Variants in SCIMP observed in about 807,000 individuals in gnomAD.
SCIMP encodes SLP adaptor and CSK interacting membrane protein.
SCIMP carries 18 observed loss-of-function variants against 22.0 expected under a neutral mutation model. That is an observed-to-expected ratio of 0.82 (90% CI 0.56 to 1.21). The LOEUF (loss-of-function observed/expected upper bound fraction) is 1.21. Among genes scored for constraint, SCIMP ranks in the 50% most tolerant of loss-of-function variants. The pLI, the probability that SCIMP is intolerant of heterozygous loss-of-function variation, is 0.00. For missense variants in SCIMP, 155 were observed against 171.2 expected (o/e 0.91, Z 0.53); for synonymous variants, 53 against 62.2 (o/e 0.85, Z 0.70).
intron 1 of SCIMP, among the ~76,000 whole-genome samples, chr17:5,225,333 C>T (rs1291786981): frequency 1.3e-5 from 2 of 152,066 alleles, no homozygotes; most frequent in African/African-American, 4.8e-5. Flanking sequence ...GGTGTGGTGG[C>T]ACATGCCTGT....
At chr17:5,232,041 G>T (rs2074701382) in intron 1 of SCIMP, among the ~76,000 whole-genome samples, 2 of 148,746 alleles carry the variant, frequency 1.3e-5, no homozygotes, top group South Asian at 4.2e-4. Flanking sequence ...GGGCGACAGA[G>T]CGAGACTCCG....
At chr17:5,227,329 A>G (rs1340449005) in intron 1 of SCIMP, among the ~76,000 whole-genome samples, 3 of 149,886 alleles carry the variant, frequency 2.0e-5, no homozygotes, top group Non-Finnish European at 4.5e-5. Flanking sequence ...ACACACTCTT[A>G]CACTTAGCCA....
intron 1 of SCIMP, among the ~76,000 whole-genome samples, chr17:5,226,208 G>A (rs890099787): frequency 9.9e-5 from 15 of 152,092 alleles, no homozygotes; most frequent in African/African-American, 3.1e-4. Flanking sequence ...GTTGCTTTTC[G>A]TTATAAACTC....
At chr17:5,225,511 A>T (rs1174999754) in intron 1 of SCIMP, among the ~76,000 whole-genome samples, 1 of 152,156 alleles carries the variant, frequency 6.6e-6, no homozygotes, top group Non-Finnish European at 1.5e-5. Flanking sequence ...CTGTAATCTC[A>T]TAACTTTGGG....
At chr17:5,228,345 CA>C (rs11444866) in intron 1 of SCIMP, among the ~76,000 whole-genome samples, 17 of 139,166 alleles carry the variant, frequency 1.2e-4, no homozygotes, top group Admixed American at 1.5e-4. Context: ...AATCTTGTCT[CA>C]AAAAAAAAAA....
intron 3 of SCIMP, 177 bp downstream of exon 3, chr17:5,221,110 T>C (rs999744114): frequency 5.9e-5 from 41 of 694,022 alleles, no homozygotes; most frequent in Admixed American, 8.3e-5. Flanking sequence ...TTGCCCTGCA[T>C]CGACAATGTC....
At chr17:5,223,658 TC>T in intron 1 of SCIMP, 1 of 504,606 alleles carries the variant, frequency 2.0e-6, no homozygotes, top group Admixed American at 3.3e-5. Context: ...CAAGTGATTC[TC>T]CTGCCTCAGC....
chr17:5,229,878 C>T (rs897301425), intron 1 of SCIMP, among the ~76,000 whole-genome samples: 1 of 146,906 alleles, frequency 6.8e-6, no homozygotes, highest in Non-Finnish European at 1.5e-5. Context: ...CTCTCTGCTC[C>T]TCTCCTCTCC....
Position 5,209,286 on chromosome 17 carries a change from G to C in SCIMP, c.*1515C>G, listed in dbSNP as rs1176627. On this transcript the variant is annotated 3_prime_UTR_variant, in exon 5 of 5. Transcript: ENST00000574081. Reference sequence around the variant, plus strand: ...AGTAGCTGGGATTACAGGCATGCGCGACCATGCCTGACTAATTTTGTATTT... The same window carrying C: ...AGTAGCTGGGATTACAGGCATGCGCCACCATGCCTGACTAATTTTGTATTT... The C allele has an allele frequency of 0.98, 149,538 of 152,382 alleles. 73,449 individuals are homozygous for C. The highest frequency in any genetic ancestry group is 1 in the East Asian group (5,190 of 5,190). The allele number at this position is 152,382 out of a possible 1,614,324, so 9.4% of individuals were successfully genotyped here.
chr17:5,222,366 C>T (rs1267475236), intron 2 of SCIMP, among the ~76,000 whole-genome samples: 3 of 152,176 alleles, frequency 2.0e-5, no homozygotes, highest in Non-Finnish European at 4.4e-5. Context: ...GCTGGGATTA[C>T]AGGCGTGAGC....
chr17:5,213,822 TG>T (rs2074544679), intron 4 of SCIMP: 1 of 152,208 alleles, frequency 6.6e-6, no homozygotes, highest in African/African-American at 2.4e-5. Context: ...CACTCCAGCC[TG>T]GGTGAGAAAC....
intron 3 of SCIMP, among the ~76,000 whole-genome samples, chr17:5,216,111 G>C (rs983899950): frequency 1.3e-5 from 2 of 151,980 alleles, no homozygotes; most frequent in Non-Finnish European, 2.9e-5. Flanking sequence ...ACTGAAGCAA[G>C]AGGATCACTT....
At chr17:5,232,378 A>ATAAACAGTTCAGTG (rs2074706082) in intron 1 of SCIMP, among the ~76,000 whole-genome samples, 1 of 138,564 alleles carries the variant, frequency 7.2e-6, no homozygotes, top group Non-Finnish European at 1.5e-5. Flanking sequence ...ACAGTGCAGT[A>ATAAACAGTTCAGTG]TAAACAGTGC....
intron 1 of SCIMP, among the ~76,000 whole-genome samples, chr17:5,224,396 C>A (rs1057378039): frequency 1.3e-5 from 2 of 151,960 alleles, no homozygotes; most frequent in African/African-American, 4.8e-5. Flanking sequence ...CTCGGCCTCC[C>A]AAAGTGCTGG....
intron 1 of SCIMP, among the ~76,000 whole-genome samples, chr17:5,230,138 G>T (rs1374543809): frequency 1.3e-5 from 2 of 152,114 alleles, no homozygotes; most frequent in African/African-American, 4.8e-5. Flanking sequence ...GAGGGAATAG[G>T]TTTCCTGTTC....
In SCIMP at chr17:5,234,626, G is replaced by A. The variant is rs1037459418; in HGVS notation, c.21+109C>T. 8 of 1,160,112 alleles carry A rather than the reference G, an allele frequency of 6.9e-6. No homozygotes were observed. The East Asian group carries it at 7.3e-5, about 11-fold the overall frequency. The allele number at this position is 1,160,112 out of a possible 1,614,324, so 71.9% of individuals were successfully genotyped here. ...CCAGGGCCCCAGGCTGCAATCCCCT[G>A]GCCCAGTGCTGATCGGTGGCTCCCA... On this transcript the variant is annotated intron_variant, in intron 1 of 4. Coordinates refer to ENST00000574081, the MANE Select transcript of SCIMP (RefSeq NM_207103.3).
intron 1 of SCIMP, among the ~76,000 whole-genome samples, chr17:5,229,456 C>T (rs541127245): frequency 6.6e-5 from 9 of 135,682 alleles, no homozygotes; most frequent in South Asian, 2.3e-4. Context: ...TGCAGTGGCG[C>T]GACCTTGGCT....
intron 4 of SCIMP, among the ~76,000 whole-genome samples, chr17:5,212,053 A>G (rs1054663358): frequency 1.3e-5 from 2 of 152,136 alleles, no homozygotes; most frequent in Non-Finnish European, 2.9e-5. Flanking sequence ...GTCTCAAAAA[A>G]AAAGAAAGAA....
At chr17:5,215,473 G>T (rs1170403583) in intron 3 of SCIMP, among the ~76,000 whole-genome samples, 3 of 152,230 alleles carry the variant, frequency 2.0e-5, no homozygotes, top group East Asian at 1.9e-4. Flanking sequence ...AATCAGCTGG[G>T]CATGATGATG....
Sources: gnomAD v4.1 joint callset for allele counts (sites outside exome capture counted in the v4.1 genomes callset) on GRCh38, gnomAD v4.1.1 for gene constraint, MANE v1.5 for transcripts, NCBI Gene and HGNC (gene_info 2026-07-23, HGNC 2026-07-21) for gene names.